Variants in PRG4 observed in about 807,000 individuals in gnomAD.
PRG4 encodes the protein proteoglycan 4.
PRG4 carries 61 observed loss-of-function variants against 91.2 expected under a neutral mutation model. The observed-to-expected ratio is 0.67, with a 90% CI of 0.54 to 0.83. The LOEUF (loss-of-function observed/expected upper bound fraction) is 0.83. Ranked by LOEUF, PRG4 falls within the 40% of genes least tolerant of loss-of-function variation. The pLI is 0.00. For missense variants in PRG4, 1,564 were observed against 1,714.2 expected, an observed-to-expected ratio of 0.91 and a Z score of 1.55; for synonymous variants, 576 against 614.2, an observed-to-expected ratio of 0.94 and a Z score of 0.92.
At chr1:186,296,587 G>T (rs1008158611) in intron 1 of PRG4, among the ~76,000 whole-genome samples, 1 of 152,160 alleles carries the variant, frequency 6.6e-6, no homozygotes, top group Non-Finnish European at 1.5e-5. Context: ...TTTAAGATAA[G>T]TCTATTCTAT....
rs1557959986 is a variant in PRG4, at chr1:186,309,052, C to CTGAGG, written c.3333_3334insTGAGG (p.His1112Ter). ...AAACACCTCATATGCTTCTCAGGCC[C>CTGAGG]CATGTGTTCATGCCTGAAGTTACTC... is the stretch of plus-strand genomic sequence containing the variant. On this transcript the variant is annotated stop_gained and frameshift_variant, in exon 7 of 13. Coordinates refer to ENST00000445192, the MANE Select transcript of PRG4 (RefSeq NM_005807.6). LOFTEE classifies it high-confidence loss of function. The CTGAGG allele has an allele frequency of 1.1e-5, 18 of 1,613,784 alleles. No individual in the cohort carries two copies. The highest frequency in any genetic ancestry group is 1.4e-5 in the Non-Finnish European group (17 of 1,179,778).
rs374653670 is a variant in PRG4 at position 186,308,174 on chromosome 1, G to A, written c.2455G>A (p.Ala819Thr). 9.9e-6 allele frequency: 16 copies of A among 1,609,418 alleles called. No individual in the cohort carries two copies. In the South Asian group the frequency reaches 1.3e-4, roughly 13 times the overall value. Residue 819 changes from alanine to threonine, a missense_variant, in exon 7 of 13, where the codon GCT becomes ACT. By Grantham distance (58) the Ala-to-Thr change is moderately conservative. Transcript: ENST00000445192. ...CACATCCACCACCTCTGACAAGCCTGCTCCAACTACACCTAAGGAGACTGC... is the reference window on the plus strand; with the variant it reads ...CACATCCACCACCTCTGACAAGCCTACTCCAACTACACCTAAGGAGACTGC... ...GPTSTTSDKP[A>T]PTTPKETAPT...
At chr1:186,299,367 A>G (rs1656055034) in intron 2 of PRG4, among the ~76,000 whole-genome samples, 1 of 152,244 alleles carries the variant, frequency 6.6e-6, no homozygotes, top group Admixed American at 6.5e-5. Context: ...AAAGCTCAGT[A>G]AAGTTTATGC....
At position 186,314,170 on chromosome 1, in the gene PRG4, T is replaced by C. The variant is rs1657492525; in HGVS notation, c.*392T>C. ...TATTCTACAACTTCAATGGAAATTA[T>C]TACAAGCAGATTAATCCCTCTTTTT... is the stretch of plus-strand genomic sequence containing the variant. On this transcript the variant is annotated 3_prime_UTR_variant, in exon 13 of 13. Transcript: ENST00000445192. 1 of 665,914 alleles carries C rather than the reference T, an allele frequency of 1.5e-6. No individual in the cohort carries two copies. Among genetic ancestry groups the C allele is most frequent in the African/African-American group, 1.8e-5 (1 of 55,094 alleles). 41.3% of individuals were successfully genotyped at this position (665,914 alleles called of 1,614,324 possible).
chr1:186,309,790 T>G lies in PRG4; in HGVS notation c.3422-3T>G, dbSNP rs1557961774. 2.5e-6 allele frequency: 4 copies of G among 1,609,064 alleles called. No homozygotes were observed. The highest frequency in any genetic ancestry group is 3.4e-6 in the Non-Finnish European group (4 of 1,175,450). Reference sequence around the variant, plus strand: ...TTTGTTTTGTTTTTGTTAATTTGTTTAGATGAGACCAATATATGCAATGGT... The same window carrying G: ...TTTGTTTTGTTTTTGTTAATTTGTTGAGATGAGACCAATATATGCAATGGT... On this transcript the variant is annotated splice_region_variant and splice_polypyrimidine_tract_variant and intron_variant, in intron 7 of 12. Transcript: ENST00000445192.
At chr1:186,302,074 T>A (rs571025343) in intron 4 of PRG4, among the ~76,000 whole-genome samples, 2 of 152,346 alleles carry the variant, frequency 1.3e-5, no homozygotes, top group East Asian at 3.9e-4. Flanking sequence ...CTTCACGAAG[T>A]CAACTATCCT....
In PRG4 at chr1:186,308,533, A is replaced by G; in HGVS notation, c.2814A>G (p.Thr938=). 1.2e-6 allele frequency: 2 copies of G among 1,613,734 alleles called. No homozygotes were observed. The highest frequency in any genetic ancestry group is 1.7e-6 in the Non-Finnish European group (2 of 1,180,014). ...PETTTAAPKM[T]KETATTTEKT... ...CTACAACTGCTGCACCTAAGATGAC[A>G]AAAGAGACAGCAACTACAACAGAAA... Residue 938 remains threonine (T), a synonymous_variant, in exon 7 of 13, where the codon ACA becomes ACG. Transcript: ENST00000445192.
At position 186,313,888 on chromosome 1, in the gene PRG4, T is replaced by C. The variant is rs969098776; in HGVS notation, c.*110T>C. 1.3e-5 allele frequency: 20 copies of C among 1,512,500 alleles called. No homozygotes were observed. The South Asian group carries it at 1.6e-4, about 12-fold the overall frequency. The allele number at this position is 1,512,500 out of a possible 1,614,324, so 93.7% of individuals were successfully genotyped here. On this transcript the variant is annotated 3_prime_UTR_variant, in exon 13 of 13. Transcript: ENST00000445192. ...TGACATGAGTATACCAGTTTATATA[T>C]AAAAATGTTTTTAAACTTGACAATC...
Position 186,311,549 on chromosome 1 carries a change from C to G in PRG4, c.3746C>G (p.Thr1249Arg), listed in dbSNP as rs571703726. 4.3e-6 allele frequency: 7 copies of G among 1,614,030 alleles called. No individual in the cohort carries two copies. Among genetic ancestry groups the G allele is most frequent in the Non-Finnish European group, 5.9e-6 (7 of 1,179,944 alleles). The part of the protein sequence containing the change: ...LTGQIVAALS[T>R]AKYKNWPESV... ...GGACAAATAGTGGCAGCGCTTTCAACAGCTAAATATAAGAACTGGCCTGAA... is the reference window on the plus strand; with the variant it reads ...GGACAAATAGTGGCAGCGCTTTCAAGAGCTAAATATAAGAACTGGCCTGAA... The change falls in exon 10 of 13, where the codon ACA (threonine) becomes AGA (arginine). Residue 1249 changes from threonine to arginine, a missense_variant. This residue lies in a region of PRG4 where 1,079 missense variants were observed against 1,162.2 expected (regional missense o/e 0.93). Coordinates refer to ENST00000445192, the MANE Select transcript of PRG4 (RefSeq NM_005807.6).
chr1:186,312,530 A>G lies in PRG4; in HGVS notation c.3991+158A>G, dbSNP rs1012215655. 6.0e-6 allele frequency: 5 copies of G among 828,900 alleles called. No individual in the cohort carries two copies. In the Admixed American group the frequency reaches 1.4e-4, roughly 23 times the overall value. The allele number at this position is 828,900 out of a possible 1,614,324, so 51.3% of individuals were successfully genotyped here. On this transcript the variant is annotated intron_variant, in intron 11 of 12. Coordinates refer to ENST00000445192, the MANE Select transcript of PRG4 (RefSeq NM_005807.6). ...CATCCACTTGCCTTAGTGAATAACC[A>G]AAGACCAATACTTTCTTTTTCCTTG...
chr1:186,299,592 G>A (rs937184715), intron 2 of PRG4, among the ~76,000 whole-genome samples: 1 of 152,196 alleles, frequency 6.6e-6, no homozygotes, highest in Non-Finnish European at 1.5e-5. Context: ...AACCTATGAT[G>A]CCAATATACT....
intron 6 of PRG4, among the ~76,000 whole-genome samples, chr1:186,305,203 ATTCT>A (rs1656480008): frequency 1.3e-5 from 2 of 152,182 alleles, no homozygotes; most frequent in African/African-American, 4.8e-5. Context: ...TTCTACTGTC[ATTCT>A]TGTTTACTTG....
Position 186,308,228 on chromosome 1 carries a change from AC to A in PRG4, c.2510del (p.Thr837IlefsTer75). On this transcript the variant is annotated frameshift_variant, in exon 7 of 13. Transcript: ENST00000445192. LOFTEE classifies it high-confidence loss of function. ...APTTPKEPAP[T>X]TPKKPAPTTP... Reference sequence around the variant, plus strand: ...AACTACCCCCAAGGAGCCTGCACCCACTACCCCCAAGAAGCCTGCTCCAACT... The same window carrying A: ...AACTACCCCCAAGGAGCCTGCACCCATACCCCCAAGAAGCCTGCTCCAACT... The A allele has an allele frequency of 6.2e-7, 1 of 1,613,954 alleles. No homozygotes were observed. Among genetic ancestry groups the A allele is most frequent in the South Asian group, 1.1e-5 (1 of 91,070 alleles).
rs1247185138 is a variant in PRG4, at chr1:186,313,875, A to G, written c.*97A>G. ...TAATAAAGAATATTGACATGAGTAT[A>G]CCAGTTTATATATAAAAATGTTTTT... On this transcript the variant is annotated 3_prime_UTR_variant, in exon 13 of 13. Coordinates refer to ENST00000445192, the MANE Select transcript of PRG4 (RefSeq NM_005807.6). The G allele has an allele frequency of 2.1e-6, 3 of 1,458,554 alleles. No individual in the cohort carries two copies. In the African/African-American group the frequency reaches 4.2e-5, roughly 20 times the overall value. The allele number at this position is 1,458,554 out of a possible 1,614,324, so 90.4% of individuals were successfully genotyped here.
chr1:186,303,765 C>A (rs1466379330), intron 4 of PRG4, among the ~76,000 whole-genome samples: 1 of 152,066 alleles, frequency 6.6e-6, no homozygotes, highest in Non-Finnish European at 1.5e-5. Flanking sequence ...CTTCAGAAAT[C>A]ATCTTGAATA....
At position 186,304,801 on chromosome 1, in the gene PRG4, T is replaced by C; in HGVS notation, c.477T>C (p.Ser159=). Residue 159 remains serine, a synonymous_variant, in exon 6 of 13, where the codon TCT becomes TCC. Coordinates refer to ENST00000445192, the MANE Select transcript of PRG4 (RefSeq NM_005807.6). ...IESEEITEEH[S]VSENQESSSS... ...TTTCTATTTGATTTATAGAACATTC[T>C]GTTTCTGAAAATCAAGAGTCCTCCT... is the stretch of plus-strand genomic sequence containing the variant. 6.2e-7 allele frequency: 1 copy of C among 1,611,812 alleles called. No homozygotes were observed. The highest frequency in any genetic ancestry group is 8.5e-7 in the Non-Finnish European group (1 of 1,178,068).
Position 186,302,514 on chromosome 1 carries a change from G to T in PRG4, c.319+803G>T, listed in dbSNP as rs528854519. Among the ~76,000 whole-genome samples the T allele has an allele frequency of 9.4e-4, 143 of 152,294 alleles. 2 individuals are homozygous for T. Among genetic ancestry groups the T allele is most frequent in the Middle Eastern group, 3.4e-3 (1 of 294 alleles). ...GGAGGTAAAAGTGAAAATAAGCTTT[G>T]CTTGCATAATCAATCTTATCATTTT... is the stretch of plus-strand genomic sequence containing the variant. On this transcript the variant is annotated intron_variant, in intron 4 of 12. Coordinates refer to ENST00000445192, the MANE Select transcript of PRG4 (RefSeq NM_005807.6).
At position 186,306,743 on chromosome 1, in the gene PRG4, C is replaced by A; in HGVS notation, c.1024C>A (p.Pro342Thr). The A allele has an allele frequency of 6.2e-7, 1 of 1,613,630 alleles. No homozygotes were observed. Among genetic ancestry groups the A allele is most frequent in the Non-Finnish European group, 8.5e-7 (1 of 1,179,772 alleles). Residue 342 changes from proline (P) to threonine (T), a missense_variant, in exon 7 of 13, where the codon CCT (proline) becomes ACT (threonine). By Grantham distance (38) the Pro-to-Thr change is conservative. Around this residue, in one of 3 missense-constraint regions of PRG4, gnomAD observed 437 missense variants for 459.0 expected, o/e 0.95. Transcript: ENST00000445192. ...TPKAETTTKGPALTTPKEPTP... is the reference protein window; with the variant it reads ...TPKAETTTKGTALTTPKEPTP... ...CAAAGCTGAAACTACAACCAAAGGC[C>A]CTGCTCTCACCACTCCCAAGGAGCC...
rs755903151 is a variant in PRG4 at position 186,314,009 on chromosome 1, CCATTGCATGGCTCA to C, written c.*234_*247del. The C allele has an allele frequency of 6.2e-7, 1 of 1,611,600 alleles. No homozygotes were observed. The highest frequency in any genetic ancestry group is 1.3e-5 in the African/African-American group (1 of 75,012). On this transcript the variant is annotated 3_prime_UTR_variant, in exon 13 of 13. Transcript: ENST00000445192. ...CCTCTGTTTATTCCTCCTCTCCCTC[CCATTGCATGGCTCA>C]CACCTGTAAAAGAAAAAAGAATCAA... is the stretch of plus-strand genomic sequence containing the variant.
Sources: gnomAD v4.1 joint callset for allele counts (sites outside exome capture counted in the v4.1 genomes callset) on GRCh38, gnomAD v4.1.1 for gene constraint, gnomAD v4.1.1 regional missense constraint, MANE v1.5 for transcripts, NCBI Gene and HGNC (gene_info 2026-07-23, HGNC 2026-07-21) for gene names.